RIF1: variants seen among roughly 807,000 people sequenced by gnomAD.
RIF1 encodes telomere-associated protein RIF1.
RIF1 carries 45 observed loss-of-function variants against 247.1 expected under a neutral mutation model. The observed-to-expected ratio is 0.18, with a 90% CI of 0.14 to 0.23. The LOEUF is 0.23. Among genes scored for constraint, RIF1 ranks in the 10% least tolerant of loss-of-function variants. RIF1 has a pLI of 1.00. For missense variants in RIF1, 2,967 were observed against 2,862.5 expected (o/e 1.04, Z -0.83); for synonymous variants, 1,087 against 978.8 (o/e 1.11, Z -2.06).
At chr2:151,450,557 G>A (rs1694121438) in intron 20 of RIF1, among the ~76,000 whole-genome samples, 1 of 151,468 alleles carries the variant, frequency 6.6e-6, no homozygotes, top group Non-Finnish European at 1.5e-5. Context: ...TGTGTCAAAT[G>A]TGTCTTTAAA....
chr2:151,524,893 C>G, the RIF1 span, among the ~76,000 whole-genome samples: 7 of 151,960 alleles, frequency 4.6e-5, no homozygotes, highest in African/African-American at 1.7e-4. Flanking sequence ...GTCTCGAACT[C>G]CTGACCTCGT....
At chr2:151,454,773 A>G in intron 21 of RIF1, 122 bp from the exon 22 acceptor site, 1 of 648,648 alleles carries the variant, frequency 1.5e-6, no homozygotes, top group Non-Finnish European at 2.5e-6. Context: ...GGTGTCAGTC[A>G]GCAAACGGAC....
In RIF1 at chr2:151,451,589, G is replaced by A. The variant is rs772449740; in HGVS notation, c.2245-17G>A. The stretch of plus-strand genomic sequence containing the variant: ...CCAGTACTTGAATGTTTCTAACAGT[G>A]GTACTTTCTTCCCTAGAATTTGTTG... On this transcript the variant is annotated splice_polypyrimidine_tract_variant and intron_variant, in intron 20 of 35. Transcript: ENST00000444746. 1 of 1,145,852 alleles carries A rather than the reference G, an allele frequency of 8.7e-7. No homozygotes were observed. Among genetic ancestry groups the A allele is most frequent in the South Asian group, 1.2e-5 (1 of 81,344 alleles). 71.0% of individuals were successfully genotyped at this position (1,145,852 alleles called of 1,614,324 possible). A position where few individuals can be genotyped will look rare whatever the true frequency, so the allele number is the denominator to read the frequency against.
At chr2:151,532,847 A>G in the RIF1 span, among the ~76,000 whole-genome samples, 1 of 152,122 alleles carries the variant, frequency 6.6e-6, no homozygotes, top group Non-Finnish European at 1.5e-5. Context: ...ACCTTTCAGC[A>G]TGTGCTGGAA....
rs1474619297 is a variant in RIF1, at chr2:151,480,019, G to C, written c.*4948G>C. ...ATTTAATATAGTAGTCTAAACAGTT[G>C]TGAGAATTTACTCAGTTCTGAAATA... On this transcript the variant is annotated 3_prime_UTR_variant, in exon 36 of 36. Transcript: ENST00000444746. 1 of 152,136 alleles carries C rather than the reference G, an allele frequency of 6.6e-6. No individual in the cohort carries two copies. The highest frequency in any genetic ancestry group is 1.5e-5 in the Non-Finnish European group (1 of 68,012). The allele number at this position is 152,136 out of a possible 1,614,324, so 9.4% of individuals were successfully genotyped here. A position where few individuals can be genotyped will look rare whatever the true frequency, so the allele number is the denominator to read the frequency against.
chr2:151,417,719 G>A (rs567574300), intron 6 of RIF1, among the ~76,000 whole-genome samples: 25 of 152,298 alleles, frequency 1.6e-4, no homozygotes, highest in Admixed American at 5.2e-4. Context: ...GAGGATGTGC[G>A]TAGGTTATAT....
the RIF1 span, chr2:151,527,015 T>C: frequency 6.3e-7 from 1 of 1,590,706 alleles, no homozygotes; most frequent in South Asian, 1.1e-5. Context: ...GTCCAGCTTA[T>C]ATTCAAACTG....
intron 11 of RIF1, chr2:151,499,590 T>TTCA: frequency 4.9e-6 from 2 of 406,806 alleles, no homozygotes; most frequent in Non-Finnish European, 8.9e-6. Flanking sequence ...GTATTTGATA[T>TTCA]TCATCATCTT....
chr2:151,484,859 G>T (rs910219957), downstream of RIF1, among the ~76,000 whole-genome samples: 1 of 152,206 alleles, frequency 6.6e-6, no homozygotes, highest in Admixed American at 6.5e-5. Flanking sequence ...CTCTAACCCA[G>T]TGCCTGGCAT....
chr2:151,424,613 A>G (rs1437370435), intron 8 of RIF1, among the ~76,000 whole-genome samples: 1 of 152,086 alleles, frequency 6.6e-6, no homozygotes, highest in Non-Finnish European at 1.5e-5. Flanking sequence ...GTATATGCTT[A>G]AGAGTGGAAT....
chr2:151,451,830 T>A, intron 21 of RIF1, 125 bp downstream of exon 21: 1 of 589,530 alleles, frequency 1.7e-6, no homozygotes, highest in Non-Finnish European at 3.1e-6. Context: ...TTAACCATGT[T>A]AGTTACTATG....
At position 151,420,266 on chromosome 2, in the gene RIF1, C is replaced by G; in HGVS notation, c.580C>G (p.His194Asp). The G allele has an allele frequency of 6.2e-7, 1 of 1,614,070 alleles. No homozygotes were observed. Among genetic ancestry groups the G allele is most frequent in the Non-Finnish European group, 8.5e-7 (1 of 1,179,986 alleles). Residue 194 changes from histidine (H) to aspartate (D), a missense_variant, in exon 7 of 36, where the codon CAT becomes GAT. His to Asp is a moderately conservative substitution (Grantham distance 81). Around this residue, in one of 7 missense-constraint regions of RIF1, gnomAD observed 269 missense variants for 288.6 expected, o/e 0.93. Coordinates refer to ENST00000444746, the MANE Select transcript of RIF1 (RefSeq NM_018151.5). ...AAAACTGGTCATACCTTTAGTGGTTCATTCAGCACAAAAGGTACATTTGCG... is the reference window on the plus strand; with the variant it reads ...AAAACTGGTCATACCTTTAGTGGTTGATTCAGCACAAAAGGTACATTTGCG... ...WAKLVIPLVV[H>D]SAQKVHLRGA...
intron 21 of RIF1, 112 bp from the exon 22 acceptor site, chr2:151,454,783 C>A: frequency 1.4e-6 from 1 of 700,116 alleles, no homozygotes; most frequent in Non-Finnish European, 2.3e-6. Flanking sequence ...AGCAAACGGA[C>A]ATGTATTTGA....
chr2:151,505,889 A>C, intron 12 of RIF1: 2 of 542,940 alleles, frequency 3.7e-6, no homozygotes, highest in Non-Finnish European at 3.3e-6. Context: ...AGATTGACAT[A>C]CATATATCCA....
At chr2:151,451,488 C>T in intron 20 of RIF1, 118 bp from the exon 21 acceptor site, 1 of 639,434 alleles carries the variant, frequency 1.6e-6, no homozygotes, top group East Asian at 2.8e-5. Context: ...TAAGCTGTGG[C>T]ATGTGTGTTA....
chr2:151,474,160 A>G (rs2048794546), intron 35 of RIF1, 88 bp downstream of exon 35: 1 of 715,198 alleles, frequency 1.4e-6, no homozygotes. Context: ...TGATTTGACC[A>G]TGCCTTATTT....
At chr2:151,435,426 T>A (rs1558962282) in intron 10 of RIF1, 37 bp from the exon 11 acceptor site, 1 of 1,145,902 alleles carries the variant, frequency 8.7e-7, no homozygotes, top group African/African-American at 1.5e-5. Context: ...GTGACAGTTG[T>A]ATAGTTTATA....
chr2:151,534,092 G>C, the RIF1 span: 3 of 733,596 alleles, frequency 4.1e-6, no homozygotes, highest in Admixed American at 2.3e-5. Context: ...CAGATACTTT[G>C]AAACAGAACA....
chr2:151,451,407 GA>G (rs1694299727), intron 20 of RIF1, among the ~76,000 whole-genome samples, 198 bp from the exon 21 acceptor site: 1 of 152,172 alleles, frequency 6.6e-6, no homozygotes, highest in African/African-American at 2.4e-5. Context: ...CTCACAAGAT[GA>G]AATTGCCTGA....
Sources: gnomAD v4.1 joint callset for allele counts (sites outside exome capture counted in the v4.1 genomes callset) on GRCh38, gnomAD v4.1.1 for gene constraint, gnomAD v4.1.1 regional missense constraint, MANE v1.5 for transcripts, NCBI Gene and HGNC (gene_info 2026-07-23, HGNC 2026-07-21) for gene names.